The following SLC15A1 variants were observed in gnomAD, a reference collection of about 807,000 sequenced individuals.
SLC15A1 encodes Caco-2 oligopeptide transporter.
A neutral mutation model predicts 92.9 loss-of-function variants in SLC15A1; 83 were observed. That is an observed-to-expected ratio of 0.89 (90% CI 0.75 to 1.07). SLC15A1 has a LOEUF of 1.07. Among genes scored for constraint, SLC15A1 ranks in the 50% least tolerant of loss-of-function variants. The pLI is 0.00. For synonymous variants in SLC15A1, 322 were observed against 318.2 expected (o/e 1.01, Z -0.13); for missense variants, 857 against 880.1 (o/e 0.97, Z 0.33).
chr13:98,741,273 C>T (rs555250259), intron 1 of SLC15A1, among the ~76,000 whole-genome samples: 9 of 152,310 alleles, frequency 5.9e-5, no homozygotes, highest in South Asian at 4.1e-4. Flanking sequence ...AAGGCATAGC[C>T]GGCACCCAGG....
Position 98,688,349 on chromosome 13 carries a change from A to G in SLC15A1, c.1582T>C (p.Phe528Leu). ...GGAATCTCTGTTGAGCTTATTGTGAAGCCTTTTCTATCAAAATAAAGAATA... is the reference window on the plus strand; with the variant it reads ...GGAATCTCTGTTGAGCTTATTGTGAGGCCTTTTCTATCAAAATAAAGAATA... ...YQFFPSGIKG[F>L]TISSTEIPPQ... The change falls in exon 20 of 23, where the codon TTC (phenylalanine) becomes CTC (leucine). Residue 528 changes from phenylalanine (F) to leucine (L), a missense_variant. Phe to Leu is a conservative substitution (Grantham distance 22, BLOSUM62 0). Transcript: ENST00000376503. 1 of 1,613,044 alleles carries G rather than the reference A, an allele frequency of 6.2e-7. No homozygotes were observed. Among genetic ancestry groups the G allele is most frequent in the South Asian group, 1.1e-5 (1 of 90,838 alleles).
rs1593994428 is a variant in SLC15A1, at chr13:98,715,916, G to A, written c.685C>T (p.Gln229Ter). 1 of 1,614,168 alleles carries A rather than the reference G, an allele frequency of 6.2e-7. No homozygotes were observed. Among genetic ancestry groups the A allele is most frequent in the Non-Finnish European group, 8.5e-7 (1 of 1,180,022 alleles). Residue 229 changes from glutamine (Q) to a stop codon, truncating the protein, a stop_gained, in exon 9 of 23, where the codon CAG becomes TAG. Transcript: ENST00000376503. LOFTEE classifies it high-confidence loss of function. ...GCCACTTTACCCATGATGTTGCCCTGTGGCTTGAACTTCTTGTACATCCCA... is the reference window on the plus strand; with the variant it reads ...GCCACTTTACCCATGATGTTGCCCTATGGCTTGAACTTCTTGTACATCCCA... ...GSGMYKKFKP[Q>*]GNIMGKVAKC...
At chr13:98,710,582 G>T (rs1336218746) in intron 11 of SLC15A1, among the ~76,000 whole-genome samples, 1 of 152,044 alleles carries the variant, frequency 6.6e-6, no homozygotes, top group Non-Finnish European at 1.5e-5. Context: ...TTGGGAGGCC[G>T]AGGCGCGTGG....
At chr13:98,718,091 T>C (rs1416403102) in intron 8 of SLC15A1, among the ~76,000 whole-genome samples, 1 of 152,076 alleles carries the variant, frequency 6.6e-6, no homozygotes, top group African/African-American at 2.4e-5. Flanking sequence ...GTTATTGCGG[T>C]TTTTGCCATT....
At chr13:98,707,891 T>TTAAAAAAAAAAA (rs1315915894) in intron 15 of SLC15A1, among the ~76,000 whole-genome samples, 1 of 106,852 alleles carries the variant, frequency 9.4e-6, no homozygotes, top group African/African-American at 4.0e-5. Context: ...AGACCCTGTT[T>TTAAAAAAAAAAA]AAAAAAAAAA....
chr13:98,742,238 C>T (rs2088454121), intron 1 of SLC15A1, among the ~76,000 whole-genome samples: 1 of 152,232 alleles, frequency 6.6e-6, no homozygotes, highest in Non-Finnish European at 1.5e-5. Flanking sequence ...CAAAACCACT[C>T]AGCCGCAGCC....
chr13:98,726,190 C>T lies in SLC15A1; in HGVS notation c.178G>A (p.Val60Met). The T allele has an allele frequency of 5.6e-6, 9 of 1,614,036 alleles. No individual in the cohort carries two copies. Among genetic ancestry groups the T allele is most frequent in the Non-Finnish European group, 7.6e-6 (9 of 1,180,016 alleles). ...NLSTAIYHTF[V>M]ALCYLTPILG... Reference sequence around the variant, plus strand: ...ATTGGCGTCAGGTAGCACAGAGCCACAAACGTATGGTAGATGGCGGTGGAC... The same window carrying T: ...ATTGGCGTCAGGTAGCACAGAGCCATAAACGTATGGTAGATGGCGGTGGAC... Residue 60 changes from valine to methionine, a missense_variant, in exon 4 of 23, where the codon GTG (valine) becomes ATG (methionine). Val to Met is a conservative substitution (Grantham distance 21, BLOSUM62 1). Coordinates refer to ENST00000376503, the MANE Select transcript of SLC15A1 (RefSeq NM_005073.4).
intron 1 of SLC15A1, among the ~76,000 whole-genome samples, chr13:98,731,235 G>A (rs2088348244): frequency 6.6e-6 from 1 of 152,194 alleles, no homozygotes; most frequent in African/African-American, 2.4e-5. Context: ...GTCCTGGGAG[G>A]TCCGTGGTGA....
At chr13:98,688,173 G>A (rs2087945828) in intron 20 of SLC15A1, 75 bp downstream of exon 20, 2 of 957,236 alleles carry the variant, frequency 2.1e-6, no homozygotes, top group East Asian at 4.8e-5. Context: ...ATCATATTAT[G>A]TCCTAAGTGT....
intron 18 of SLC15A1, among the ~76,000 whole-genome samples, chr13:98,691,616 G>C (rs1026961517): frequency 7.2e-5 from 11 of 152,176 alleles, no homozygotes; most frequent in African/African-American, 1.9e-4. Context: ...CAATCTTATT[G>C]TGTTGATATC....
In SLC15A1 at chr13:98,687,721, C is replaced by CA. The variant is rs1445732943; in HGVS notation, c.1686dup (p.Asp563Ter). 1.2e-6 allele frequency: 2 copies of CA among 1,612,524 alleles called. No homozygotes were observed. The highest frequency in any genetic ancestry group is 1.7e-6 in the Non-Finnish European group (2 of 1,179,672). On this transcript the variant is annotated frameshift_variant, in exon 21 of 23. Transcript: ENST00000376503. LOFTEE classifies it high-confidence loss of function. ...AACACCTTCACTTCAGGGCAGCTGT[C>CA]ATTCTGCAGCAGTAAGGCAAAAGCA...
chr13:98,718,427 C>G (rs932846369), intron 8 of SLC15A1, among the ~76,000 whole-genome samples: 10 of 148,462 alleles, frequency 6.7e-5, no homozygotes, highest in Admixed American at 1.4e-4. Flanking sequence ...TCAAGCAATC[C>G]TTCCACTTAA....
At chr13:98,752,504 A>G in intron 1 of SLC15A1, 91 bp downstream of exon 1, 1 of 1,167,714 alleles carries the variant, frequency 8.6e-7, no homozygotes, top group South Asian at 3.2e-5. Flanking sequence ...GCCGCCGCGT[A>G]CCCTTCGCGC....
At position 98,734,890 on chromosome 13, in the gene SLC15A1, C is replaced by T. The variant is rs139509975; in HGVS notation, c.5-8031G>A. Among the ~76,000 whole-genome samples the T allele has an allele frequency of 2.8e-3, 422 of 152,214 alleles. 2 individuals carry two copies. The highest frequency in any genetic ancestry group is 9.6e-3 in the African/African-American group (399 of 41,512). On this transcript the variant is annotated intron_variant, in intron 1 of 22. Coordinates refer to ENST00000376503, the MANE Select transcript of SLC15A1 (RefSeq NM_005073.4). Reference sequence around the variant, plus strand: ...AGTCCAGGACCAGATGGATTCACAGCCGAATTTAAAGGTACAAAGAGGAGC... The same window carrying T: ...AGTCCAGGACCAGATGGATTCACAGTCGAATTTAAAGGTACAAAGAGGAGC...
chr13:98,707,707 C>T (rs1002293172), intron 15 of SLC15A1, among the ~76,000 whole-genome samples: 2 of 151,916 alleles, frequency 1.3e-5, no homozygotes, highest in African/African-American at 4.8e-5. Flanking sequence ...GCCTGAGCAA[C>T]ACAGGGGGAC....
At chr13:98,744,969 T>G (rs2088481306) in intron 1 of SLC15A1, among the ~76,000 whole-genome samples, 1 of 152,170 alleles carries the variant, frequency 6.6e-6, no homozygotes, top group Non-Finnish European at 1.5e-5. Context: ...AGTCTTCTAA[T>G]TTTAGAATTA....
intron 18 of SLC15A1, among the ~76,000 whole-genome samples, chr13:98,697,617 T>C (rs1391427768): frequency 1.0e-5 from 1 of 97,736 alleles, no homozygotes; most frequent in African/African-American, 6.4e-5. Context: ...GGCTGATGCT[T>C]TTTTTTTTTT....
intron 16 of SLC15A1, among the ~76,000 whole-genome samples, chr13:98,704,720 A>G (rs1756988): frequency 0.011 from 1,627 of 152,306 alleles, 56 homozygotes; most frequent in East Asian, 0.11. Flanking sequence ...AATAATTTCT[A>G]CTGTTAGGCA....
intron 21 of SLC15A1, 144 bp downstream of exon 21, chr13:98,687,437 A>C: frequency 1.0e-6 from 1 of 957,228 alleles, no homozygotes; most frequent in Non-Finnish European, 1.6e-6. Flanking sequence ...TGGTGACCTC[A>C]GAGACCTTGC....
Sources: gnomAD v4.1 joint callset for allele counts (sites outside exome capture counted in the v4.1 genomes callset) on GRCh38, gnomAD v4.1.1 for gene constraint, MANE v1.5 for transcripts, NCBI Gene and HGNC (gene_info 2026-07-23, HGNC 2026-07-21) for gene names.